The following INTS10 variants were observed in gnomAD, a reference collection of about 807,000 sequenced individuals.
The protein encoded by INTS10 is integrator complex subunit 10, also known as chromosome 8 open reading frame 35.
Under a neutral mutation model 94.4 loss-of-function variants are expected in INTS10, and 44 were observed. That is an observed-to-expected ratio of 0.47 (90% confidence interval 0.37 to 0.60). The LOEUF (loss-of-function observed/expected upper bound fraction) is 0.60. Among genes scored for constraint, INTS10 ranks in the 20% least tolerant of loss-of-function variants. INTS10 has a pLI of 0.00. For missense variants in INTS10, 797 were observed against 868.7 expected, an observed-to-expected ratio of 0.92 and a Z score of 1.04; for synonymous variants, 341 against 320.7, an observed-to-expected ratio of 1.06 and a Z score of -0.68.
chr8:19,821,696 T>A (rs892119267), intron 4 of INTS10: 2 of 151,718 alleles, frequency 1.3e-5, no homozygotes, highest in African/African-American at 4.9e-5. Context: ...AAGATACTTT[T>A]TTTAAAAAAA....
At chr8:19,842,976 A>G (rs766027715) in intron 14 of INTS10, 49 bp downstream of exon 14, 8 of 1,258,078 alleles carry the variant, frequency 6.4e-6, no homozygotes, top group Non-Finnish European at 8.2e-6. Flanking sequence ...TTCAAATATT[A>G]TTCTCATGAC....
chr8:19,830,278 A>C, intron 9 of INTS10, 128 bp from the exon 10 acceptor site: 4 of 667,714 alleles, frequency 6.0e-6, no homozygotes, highest in Non-Finnish European at 9.0e-6. Flanking sequence ...AATTCAAAAA[A>C]ATTGTATGTA....
rs1385440405 is a variant in INTS10, at chr8:19,845,562, C to G, written c.1883-142C>G. ...GGGCAAGTTACTCAACTGCCAAGAC[C>G]CCATTTCCTTATCAGAGAGAACTGG... On this transcript the variant is annotated intron_variant, in intron 15 of 16. Coordinates refer to ENST00000397977, the MANE Select transcript of INTS10 (RefSeq NM_018142.4). 16 of 643,576 alleles carry G rather than the reference C, an allele frequency of 2.5e-5. No homozygotes were observed. In the Admixed American group the frequency reaches 3.9e-4, roughly 16 times the overall value. The allele number at this position is 643,576 out of a possible 1,614,324, so 39.9% of individuals were successfully genotyped here. A position where few individuals can be genotyped will look rare whatever the true frequency, so the allele number is the denominator to read the frequency against.
chr8:19,837,108 T>G lies in INTS10; in HGVS notation c.1587T>G (p.Asp529Glu). The G allele has an allele frequency of 6.2e-7, 1 of 1,614,024 alleles. No individual in the cohort carries two copies. Among genetic ancestry groups the G allele is most frequent in the South Asian group, 1.1e-5 (1 of 91,088 alleles). ...LMCYMVLPIQ[D>E]GGKSQEEPSK... ...GCTACATGGTACTCCCCATTCAAGA[T>G]GGAGGCAAATCCCAGGAGGAACCCT... is the stretch of plus-strand genomic sequence containing the variant. The change falls in exon 13 of 17, where the codon GAT (aspartate) becomes GAG (glutamate). Residue 529 changes from aspartate to glutamate, a missense_variant. Coordinates refer to ENST00000397977, the MANE Select transcript of INTS10 (RefSeq NM_018142.4).
At chr8:19,825,022 G>A in intron 8 of INTS10, 50 bp downstream of exon 8, 1 of 1,469,794 alleles carries the variant, frequency 6.8e-7, no homozygotes, top group East Asian at 2.3e-5. Context: ...ATACTGTGGG[G>A]ATGGTAAGGA....
chr8:19,839,190 A>G (rs1029055314), intron 13 of INTS10, among the ~76,000 whole-genome samples: 1 of 152,230 alleles, frequency 6.6e-6, no homozygotes, highest in Non-Finnish European at 1.5e-5. Flanking sequence ...CATGATAACA[A>G]AAATCTTAGC....
At chr8:19,842,070 A>G (rs757483793) in intron 13 of INTS10, 6 of 224,120 alleles carry the variant, frequency 2.7e-5, no homozygotes, top group Non-Finnish European at 4.5e-5. Flanking sequence ...AAAGATTGGG[A>G]TTTTGCTTTG....
rs141999596 is a variant in INTS10, at chr8:19,844,829, A to G, written c.1882+591A>G. ...TTTACTTCATTGTTTATCTTATTAC[A>G]TTATTTCTGAATTGCAAGGAATATA... On this transcript the variant is annotated intron_variant, in intron 15 of 16. Transcript: ENST00000397977. Among the ~76,000 whole-genome samples the G allele has an allele frequency of 3.9e-3, 595 of 152,272 alleles. 7 individuals carry two copies. The highest frequency in any genetic ancestry group is 0.013 in the African/African-American group (548 of 41,544).
At chr8:19,826,889 TG>T (rs1412641530) in intron 9 of INTS10, among the ~76,000 whole-genome samples, 4 of 152,168 alleles carry the variant, frequency 2.6e-5, no homozygotes, top group Non-Finnish European at 5.9e-5. Flanking sequence ...ATGTTTTGAC[TG>T]AATGGCATCG....
At chr8:19,835,465 A>C (rs10101725) in intron 12 of INTS10, among the ~76,000 whole-genome samples, 139,679 of 152,218 alleles carry the variant, frequency 0.92, 64,165 homozygotes, top group African/African-American at 0.95. Flanking sequence ...AATGAAAAAA[A>C]CAAATATTAG....
In INTS10 at chr8:19,819,619, A is replaced by G. The variant is rs1175872146; in HGVS notation, c.244A>G (p.Ile82Val). The G allele has an allele frequency of 4.3e-6, 7 of 1,613,716 alleles. No homozygotes were observed. Among genetic ancestry groups the G allele is most frequent in the Non-Finnish European group, 5.9e-6 (7 of 1,179,782 alleles). Residue 82 changes from isoleucine (I) to valine (V), a missense_variant, in exon 3 of 17, where the codon ATT becomes GTT. By Grantham distance (29) the Ile-to-Val change is conservative. Coordinates refer to ENST00000397977, the MANE Select transcript of INTS10 (RefSeq NM_018142.4). ...DQPVVWREIS[I>V]ITSALRNDSQ... ...GCCGGTGGTGTGGAGAGAAATCAGC[A>G]TTATTACATCAGCATTAAGGAACGA...
chr8:19,832,846 G>A (rs1363125056), intron 11 of INTS10, among the ~76,000 whole-genome samples: 1 of 152,166 alleles, frequency 6.6e-6, no homozygotes, highest in Admixed American at 6.5e-5. Context: ...AGTGGTGCTT[G>A]TAGTAAAATA....
At chr8:19,823,709 C>G (rs745490300) in intron 6 of INTS10, among the ~76,000 whole-genome samples, 164 bp from the exon 7 acceptor site, 12 of 152,202 alleles carry the variant, frequency 7.9e-5, no homozygotes, top group Non-Finnish European at 1.6e-4. Flanking sequence ...GAAATTACTT[C>G]TTGCTTATAC....
Position 19,818,360 on chromosome 8 carries a change from C to T in INTS10, c.197+18C>T. The T allele has an allele frequency of 5.0e-6, 8 of 1,612,280 alleles. No homozygotes were observed. Among genetic ancestry groups the T allele is most frequent in the Non-Finnish European group, 5.9e-6 (7 of 1,178,966 alleles). ...TACGACATGTGAGTGGGACGCTTGA[C>T]ATCACTTTTACTGCACTGAATCTCT... On this transcript the variant is annotated intron_variant, in intron 2 of 16. Transcript: ENST00000397977.
chr8:19,825,202 C>T (rs1251317804), intron 8 of INTS10, among the ~76,000 whole-genome samples: 1 of 152,136 alleles, frequency 6.6e-6, no homozygotes, highest in Non-Finnish European at 1.5e-5. Context: ...TACTGCACAA[C>T]TAAAAAGAGA....
Position 19,843,971 on chromosome 8 carries a change from C to A in INTS10, c.1720-105C>A. 1 of 814,090 alleles carries A rather than the reference C, an allele frequency of 1.2e-6. No homozygotes were observed. The highest frequency in any genetic ancestry group is 1.9e-6 in the Non-Finnish European group (1 of 518,370). 50.4% of individuals were successfully genotyped at this position (814,090 alleles called of 1,614,324 possible). ...CTTCTTACTCTAATGACGTTTATCA[C>A]ACATTTGCATATACAGCATATTTTT... On this transcript the variant is annotated intron_variant, in intron 14 of 16. Transcript: ENST00000397977. The surrounding 1 kb of genome is among the most constrained non-coding windows in gnomAD (Gnocchi z 4.7).
At position 19,851,863 on chromosome 8, in the gene INTS10, C is replaced by G. The variant is rs564670069; in HGVS notation, c.*58C>G. The G allele has an allele frequency of 6.1e-5, 91 of 1,480,022 alleles. No individual in the cohort carries two copies. In the African/African-American group the frequency reaches 8.6e-4, roughly 14 times the overall value. The allele number at this position is 1,480,022 out of a possible 1,614,324, so 91.7% of individuals were successfully genotyped here. A position where few individuals can be genotyped will look rare whatever the true frequency, so the allele number is the denominator to read the frequency against. The stretch of plus-strand genomic sequence containing the variant: ...CTGTGTAATTGTAGGAGAAGACACT[C>G]AGCAGTGATTGCCATGGCACAGAGC... On this transcript the variant is annotated 3_prime_UTR_variant, in exon 17 of 17. Coordinates refer to ENST00000397977, the MANE Select transcript of INTS10 (RefSeq NM_018142.4). The surrounding 1 kb of genome is among the most constrained non-coding windows in gnomAD (Gnocchi z 5.0).
chr8:19,844,089 C>T lies in INTS10; in HGVS notation c.1733C>T (p.Thr578Ile), dbSNP rs758734081. ...TTTGTCTTGCAGCTTAGAGCTTTCACAGACAACAGAGACGACATGGCATTG... is the reference window on the plus strand; with the variant it reads ...TTTGTCTTGCAGCTTAGAGCTTTCATAGACAACAGAGACGACATGGCATTG... ...MLACFKLRAFTDNRDDMALGH... is the reference protein window; with the variant it reads ...MLACFKLRAFIDNRDDMALGH... The change falls in exon 15 of 17, where the codon ACA becomes ATA. Residue 578 changes from threonine to isoleucine, a missense_variant. Thr to Ile is a moderately conservative substitution (Grantham distance 89). Transcript: ENST00000397977. 5.6e-6 allele frequency: 9 copies of T among 1,600,306 alleles called. No individual in the cohort carries two copies. The highest frequency in any genetic ancestry group is 4.5e-5 in the East Asian group (2 of 44,710).
At chr8:19,832,805 A>G (rs1316829675) in intron 11 of INTS10, among the ~76,000 whole-genome samples, 1 of 152,218 alleles carries the variant, frequency 6.6e-6, no homozygotes, top group Admixed American at 6.5e-5. Flanking sequence ...CGGAATGGGC[A>G]GGTTGCTGCT....
Sources: gnomAD v4.1 joint callset for allele counts (sites outside exome capture counted in the v4.1 genomes callset) on GRCh38, gnomAD v4.1.1 for gene constraint, Gnocchi (gnomAD v3.1) non-coding constraint, MANE v1.5 for transcripts, NCBI Gene and HGNC (gene_info 2026-07-23, HGNC 2026-07-21) for gene names.